Variants in PLEKHG1 observed in about 807,000 individuals in gnomAD.
The protein encoded by PLEKHG1 is pleckstrin homology and RhoGEF domain containing G1.
In PLEKHG1, 44 loss-of-function variants were observed where a neutral mutation model predicts 100.8. The ratio of observed to expected loss-of-function variants is 0.44; its 90% CI spans 0.34 to 0.56. PLEKHG1 has a LOEUF of 0.56. Ranked by LOEUF, PLEKHG1 falls within the 20% of genes least tolerant of loss-of-function variation. The pLI, the probability that PLEKHG1 is intolerant of heterozygous loss-of-function variation, is 0.01. For synonymous variants in PLEKHG1, 640 were observed against 662.5 expected (o/e 0.97, Z 0.52); for missense variants, 1,545 against 1,720.9 (o/e 0.90, Z 1.81).
chr6:150,819,764 A>G (rs1171943125), exon 12 of PLEKHG1: 21 of 1,591,502 alleles, frequency 1.3e-5, no homozygotes, highest in Non-Finnish European at 1.8e-5. Context: ...ATCGGCTGAG[A>G]AGAAAATCTG....
rs1234392107 is a variant in PLEKHG1 at position 150,768,075 on chromosome 6, A to C, written c.412-563A>C. Reference sequence around the variant, plus strand: ...TTGGGAGCTGTTTCTATGTTAAAACATACAAAATCAATTGAGAGTTTTCTG... The same window carrying C: ...TTGGGAGCTGTTTCTATGTTAAAACCTACAAAATCAATTGAGAGTTTTCTG... On this transcript the variant is annotated intron_variant, in intron 2 of 15. Coordinates refer to ENST00000358517, the Ensembl canonical transcript of PLEKHG1. 1.3e-5 allele frequency among the ~76,000 whole-genome samples: 2 copies of C among 152,262 alleles called. 1 individual carries two copies. The highest frequency in any genetic ancestry group is 2.9e-5 in the Non-Finnish European group (2 of 68,052).
At chr6:150,749,197 T>C (rs1783351830) in intron 2 of PLEKHG1, among the ~76,000 whole-genome samples, 1 of 152,226 alleles carries the variant, frequency 6.6e-6, no homozygotes, top group South Asian at 2.1e-4. Context: ...AAACATTTTA[T>C]TGAGTGCCTC....
At chr6:150,623,073 T>G (rs928919091) in intron 1 of PLEKHG1, among the ~76,000 whole-genome samples, 3 of 152,056 alleles carry the variant, frequency 2.0e-5, no homozygotes, top group African/African-American at 7.2e-5. Flanking sequence ...TGAGGCCACT[T>G]CTGCTTCTGT....
At chr6:150,751,314 T>TC (rs1783499391) in intron 2 of PLEKHG1, among the ~76,000 whole-genome samples, 1 of 152,010 alleles carries the variant, frequency 6.6e-6, no homozygotes, top group Non-Finnish European at 1.5e-5. Flanking sequence ...CTGAGTCAAA[T>TC]TGGAGTTAAT....
chr6:150,658,116 A>G (rs1330649534), intron 3 of PLEKHG1, among the ~76,000 whole-genome samples: 1 of 152,118 alleles, frequency 6.6e-6, no homozygotes, highest in African/African-American at 2.4e-5. Flanking sequence ...TTCCTGTCTC[A>G]TCCCAGATCC....
chr6:150,840,426 C>T (rs1222351149), exon 16 of PLEKHG1: 2 of 1,613,974 alleles, frequency 1.2e-6, no homozygotes, highest in Non-Finnish European at 1.7e-6. Context: ...TGCTGACTCG[C>T]ATCAACAGGG....
intron 3 of PLEKHG1, among the ~76,000 whole-genome samples, chr6:150,785,519 A>C (rs1398953796): frequency 1.3e-5 from 2 of 152,230 alleles, no homozygotes; most frequent in African/African-American, 4.8e-5. Flanking sequence ...GCTGTTACTT[A>C]AAATAATGAT....
intron 1 of PLEKHG1, among the ~76,000 whole-genome samples, chr6:150,617,564 C>A (rs1385793674): frequency 6.6e-6 from 1 of 152,164 alleles, no homozygotes; most frequent in African/African-American, 2.4e-5. Context: ...TAGAGACCTC[C>A]AAATCTCCTT....
intron 3 of PLEKHG1, among the ~76,000 whole-genome samples, chr6:150,706,113 T>C (rs1318949610): frequency 1.2e-4 from 18 of 152,226 alleles, no homozygotes. Context: ...ACAAGTGTTT[T>C]ATGAGATTAG....
intron 3 of PLEKHG1, among the ~76,000 whole-genome samples, chr6:150,676,055 C>T (rs192766509): frequency 9.8e-5 from 15 of 152,302 alleles, no homozygotes; most frequent in African/African-American, 3.4e-4. Context: ...TACAGATTTG[C>T]AGTAGCACAG....
chr6:150,739,332 T>G (rs550106092), intron 2 of PLEKHG1, among the ~76,000 whole-genome samples: 1 of 152,216 alleles, frequency 6.6e-6, no homozygotes, highest in African/African-American at 2.4e-5. Context: ...GCTAATATCC[T>G]TTTCATGGAC....
At chr6:150,696,890 T>G (rs1780564271) in intron 3 of PLEKHG1, among the ~76,000 whole-genome samples, 1 of 152,046 alleles carries the variant, frequency 6.6e-6, no homozygotes. Flanking sequence ...GGTGGATCAC[T>G]TGAGGCCAGG....
intron 3 of PLEKHG1, among the ~76,000 whole-genome samples, chr6:150,774,436 T>C (rs1001691406): frequency 2.0e-5 from 3 of 152,070 alleles, no homozygotes; most frequent in African/African-American, 7.2e-5. Flanking sequence ...GTGGTAAATA[T>C]TAATAGGGGA....
intron 3 of PLEKHG1, among the ~76,000 whole-genome samples, chr6:150,653,630 A>G (rs1778841298): frequency 6.6e-6 from 1 of 152,098 alleles, no homozygotes. Context: ...GAGCTCTGGT[A>G]GTCCTAGCTT....
intron 4 of PLEKHG1, among the ~76,000 whole-genome samples, chr6:150,794,656 G>A (rs1283731767): frequency 6.6e-6 from 1 of 152,044 alleles, no homozygotes; most frequent in African/African-American, 2.4e-5. Flanking sequence ...AACAGAGTGA[G>A]GCTCCGTCTC....
chr6:150,603,057 G>A (rs1776422108), intron 1 of PLEKHG1, among the ~76,000 whole-genome samples: 2 of 121,134 alleles, frequency 1.7e-5, no homozygotes, highest in Admixed American at 1.1e-4. Context: ...ACTCCAACCT[G>A]GGCGACAGCG....
chr6:150,829,865 T>C (rs1472235965), intron 14 of PLEKHG1, among the ~76,000 whole-genome samples: 1 of 152,016 alleles, frequency 6.6e-6, no homozygotes, highest in Non-Finnish European at 1.5e-5. Context: ...TGTGGTCGGG[T>C]CAGCAGAAGG....
At chr6:150,722,356 T>C (rs1198179208) in intron 1 of PLEKHG1, among the ~76,000 whole-genome samples, 6 of 140,158 alleles carry the variant, frequency 4.3e-5, no homozygotes, top group Non-Finnish European at 6.2e-5. Context: ...TTTCTTTTTT[T>C]TTTTTTTTTT....
chr6:150,791,860 T>C (rs957257382), intron 4 of PLEKHG1, among the ~76,000 whole-genome samples: 3 of 152,200 alleles, frequency 2.0e-5, no homozygotes, highest in Non-Finnish European at 4.4e-5. Flanking sequence ...GGAATTTCAG[T>C]TGATTTGAAA....
Sources: gnomAD v4.1 joint callset for allele counts (sites outside exome capture counted in the v4.1 genomes callset) on GRCh38, gnomAD v4.1.1 for gene constraint, MANE v1.5 for transcripts, NCBI Gene and HGNC (gene_info 2026-07-23, HGNC 2026-07-21) for gene names.